LRMDA: variants seen among roughly 807,000 people sequenced by gnomAD.
LRMDA encodes leucine-rich melanocyte differentiation-associated protein.
LRMDA carries 18 observed loss-of-function variants against 29.8 expected under a neutral mutation model. The observed-to-expected ratio is 0.60, with a 90% CI of 0.42 to 0.90. LRMDA has a LOEUF of 0.90. Among genes scored for constraint, LRMDA ranks in the 40% least tolerant of loss-of-function variants. The pLI is 0.00. For synonymous variants in LRMDA, 125 were observed against 109.4 expected (o/e 1.14, Z -0.89); for missense variants, 273 against 273.9 (o/e 1.00, Z 0.02).
At chr10:76,400,345 A>T (rs1841835326) in intron 6 of LRMDA, among the ~76,000 whole-genome samples, 2 of 152,214 alleles carry the variant, frequency 1.3e-5, no homozygotes, top group South Asian at 4.1e-4. Context: ...GATGCCTAAA[A>T]CAGAGGACAC....
At chr10:76,393,270 A>T (rs1841744647) in intron 6 of LRMDA, among the ~76,000 whole-genome samples, 1 of 152,132 alleles carries the variant, frequency 6.6e-6, no homozygotes, top group South Asian at 2.1e-4. Context: ...CTGTTTTTTA[A>T]CTTACATTCC....
At chr10:76,287,756 C>A (rs1214144382) in intron 5 of LRMDA, among the ~76,000 whole-genome samples, 1 of 152,112 alleles carries the variant, frequency 6.6e-6, no homozygotes, top group African/African-American at 2.4e-5. Context: ...AAATTCTGTT[C>A]CATAAACTCT....
chr10:76,305,270 T>A (rs1416609273), intron 5 of LRMDA, among the ~76,000 whole-genome samples: 1 of 33,532 alleles, frequency 3.0e-5, no homozygotes, highest in Non-Finnish European at 3.5e-4. Flanking sequence ...GGGCCCTTTC[T>A]TGGGCCCTTT....
chr10:75,652,362 G>T (rs566696948), intron 2 of LRMDA, among the ~76,000 whole-genome samples: 20 of 152,310 alleles, frequency 1.3e-4, no homozygotes, highest in Middle Eastern at 3.4e-3. Context: ...GCCATTGTAG[G>T]TTATCTTTAT....
chr10:75,562,555 A>T (rs1477373092), intron 2 of LRMDA, among the ~76,000 whole-genome samples: 2 of 152,088 alleles, frequency 1.3e-5, no homozygotes, highest in Non-Finnish European at 2.9e-5. Context: ...GTTATGTGTG[A>T]ATTTGAACCT....
chr10:76,194,407 C>T (rs867743894), intron 5 of LRMDA, among the ~76,000 whole-genome samples: 27 of 152,100 alleles, frequency 1.8e-4, no homozygotes, highest in African/African-American at 6.5e-4. Flanking sequence ...GGCTCTAACA[C>T]TGTTTGGGTA....
At chr10:76,269,235 C>T (rs948761614) in intron 5 of LRMDA, among the ~76,000 whole-genome samples, 1 of 152,046 alleles carries the variant, frequency 6.6e-6, no homozygotes, top group African/African-American at 2.4e-5. Context: ...TAATCGAACC[C>T]CCCATCTCCT....
At chr10:75,951,909 G>A (rs950064464) in intron 2 of LRMDA, among the ~76,000 whole-genome samples, 3 of 152,206 alleles carry the variant, frequency 2.0e-5, no homozygotes, top group Non-Finnish European at 2.9e-5. Context: ...CGGTCCTGGA[G>A]GGACTTTCTG....
At chr10:76,165,626 A>G (rs1850725810) in intron 5 of LRMDA, among the ~76,000 whole-genome samples, 2 of 152,210 alleles carry the variant, frequency 1.3e-5, no homozygotes, top group African/African-American at 4.8e-5. Context: ...AAGACTCAGG[A>G]AACCTACCAT....
intron 6 of LRMDA, among the ~76,000 whole-genome samples, chr10:76,524,233 C>T (rs552247167): frequency 3.9e-5 from 6 of 152,092 alleles, no homozygotes; most frequent in Non-Finnish European, 8.8e-5. Context: ...TTGTGAGCCC[C>T]GCATTCAACT....
intron 2 of LRMDA, among the ~76,000 whole-genome samples, chr10:75,645,257 A>G (rs1397538758): frequency 6.6e-6 from 1 of 152,240 alleles, no homozygotes; most frequent in Non-Finnish European, 1.5e-5. Flanking sequence ...TGCTGGGATT[A>G]CAGGCGTGAG....
At chr10:75,532,886 G>A (rs1845494461) in intron 2 of LRMDA, among the ~76,000 whole-genome samples, 1 of 152,096 alleles carries the variant, frequency 6.6e-6, no homozygotes. Flanking sequence ...GGTTTGTTTT[G>A]TATGAAGCCT....
intron 2 of LRMDA, among the ~76,000 whole-genome samples, chr10:75,930,031 A>T (rs970580978): frequency 6.6e-6 from 1 of 152,208 alleles, no homozygotes; most frequent in Non-Finnish European, 1.5e-5. Flanking sequence ...CATGAAGCAC[A>T]TTGAAGACTG....
chr10:76,504,889 A>G (rs998331028), intron 6 of LRMDA, among the ~76,000 whole-genome samples: 1 of 151,964 alleles, frequency 6.6e-6, no homozygotes. Context: ...GTTTCTTTAT[A>G]GTGTCTGTGG....
intron 2 of LRMDA, chr10:75,451,435 G>A (rs1357545604): frequency 6.6e-6 from 1 of 152,130 alleles, no homozygotes; most frequent in East Asian, 1.9e-4. Context: ...GGTACATCGC[G>A]TGCTCAATGA....
intron 2 of LRMDA, among the ~76,000 whole-genome samples, chr10:76,021,500 A>G (rs1847973552): frequency 6.6e-6 from 1 of 152,176 alleles, no homozygotes; most frequent in Non-Finnish European, 1.5e-5. Flanking sequence ...TAAGTCATTA[A>G]TCCACCCAGA....
intron 2 of LRMDA, among the ~76,000 whole-genome samples, chr10:76,009,972 G>A (rs2132478621): frequency 6.6e-6 from 1 of 152,158 alleles, no homozygotes; most frequent in African/African-American, 2.4e-5. Flanking sequence ...ATTTTCAAAG[G>A]TAATTTCCTT....
At chr10:75,994,845 G>C (rs912981745) in intron 2 of LRMDA, among the ~76,000 whole-genome samples, 4 of 152,180 alleles carry the variant, frequency 2.6e-5, no homozygotes, top group Admixed American at 6.5e-5. Context: ...ACATACAGCT[G>C]TCTGGCATTT....
intron 2 of LRMDA, among the ~76,000 whole-genome samples, chr10:75,706,961 A>G (rs1280238193): frequency 6.6e-6 from 1 of 152,106 alleles, no homozygotes; most frequent in Admixed American, 6.5e-5. Flanking sequence ...TCTTATTCTG[A>G]CCACTGGAAC....
Sources: allele counts gnomAD v4.1 joint callset (sites outside exome capture counted in the v4.1 genomes callset), GRCh38; gene constraint gnomAD v4.1.1; transcripts MANE v1.5; gene names NCBI Gene and HGNC (gene_info 2026-07-23, HGNC 2026-07-21).